The following SMAD4 variants were observed in gnomAD, a reference collection of about 807,000 sequenced individuals.
The protein encoded by SMAD4 is SMAD family member 4, also known as MAD homolog 4.
SMAD4 carries 7 observed loss-of-function variants against 63.2 expected under a neutral mutation model. The ratio of observed to expected loss-of-function variants is 0.11; its 90% CI spans 0.06 to 0.21. SMAD4 has a LOEUF of 0.21. Among genes scored for constraint, SMAD4 ranks in the 10% least tolerant of loss-of-function variants. The pLI is 1.00. For synonymous variants in SMAD4, 215 were observed against 235.4 expected (o/e 0.91, Z 0.79); for missense variants, 312 against 693.8 (o/e 0.45, Z 6.18).
Position 51,084,719 on chromosome 18 carries a change from A to G in SMAD4, c.*6252A>G, listed in dbSNP as rs1599210999. 2.2e-5 allele frequency: 5 copies of G among 231,850 alleles called. No homozygotes were observed. The East Asian group carries it at 3.0e-4, about 14-fold the overall frequency. 14.4% of individuals were successfully genotyped at this position (231,850 alleles called of 1,614,324 possible). On this transcript the variant is annotated 3_prime_UTR_variant, in exon 12 of 12. Coordinates refer to ENST00000342988, the MANE Select transcript of SMAD4 (RefSeq NM_005359.6). ...CATGTGATTTAAGGGAAAAGTGTGA[A>G]TGCTTATAGATGATGAAAACCTGGT... is the stretch of plus-strand genomic sequence containing the variant.
intron 4 of SMAD4, 64 bp from the exon 5 acceptor site, chr18:51,054,717 A>T: frequency 8.9e-7 from 1 of 1,125,296 alleles, no homozygotes; most frequent in South Asian, 1.3e-5. Flanking sequence ...ACTTGCTAAT[A>T]AGATTTTTTT....
At chr18:51,077,921 T>C (rs1344046631) in intron 11 of SMAD4, among the ~76,000 whole-genome samples, 1 of 152,212 alleles carries the variant, frequency 6.6e-6, no homozygotes, top group Non-Finnish European at 1.5e-5. Flanking sequence ...AAGCAACCTG[T>C]GGACACGCAC....
rs1211081289 is a variant in SMAD4, at chr18:51,082,748, C to G, written c.*4281C>G. 4 of 229,302 alleles carry G rather than the reference C, an allele frequency of 1.7e-5. No homozygotes were observed. The highest frequency in any genetic ancestry group is 3.5e-5 in the Non-Finnish European group (4 of 115,894). The allele number at this position is 229,302 out of a possible 1,614,324, so 14.2% of individuals were successfully genotyped here. A position where few individuals can be genotyped will look rare whatever the true frequency, so the allele number is the denominator to read the frequency against. ...GAATTTTTAGTTTTTTTTTTTTAAC[C>G]CACTTCCCCTCCTGGTCTCTTCCCT... On this transcript the variant is annotated 3_prime_UTR_variant, in exon 12 of 12. Transcript: ENST00000342988.
At position 51,079,564 on chromosome 18, in the gene SMAD4, A is replaced by G. The variant is rs1730373780; in HGVS notation, c.*1097A>G. 4.3e-6 allele frequency: 1 copy of G among 233,324 alleles called. No individual in the cohort carries two copies. Among genetic ancestry groups the G allele is most frequent in the Admixed American group, 5.6e-5 (1 of 17,780 alleles). The allele number at this position is 233,324 out of a possible 1,614,324, so 14.5% of individuals were successfully genotyped here. A position where few individuals can be genotyped will look rare whatever the true frequency, so the allele number is the denominator to read the frequency against. On this transcript the variant is annotated 3_prime_UTR_variant, in exon 12 of 12. Transcript: ENST00000342988. The stretch of plus-strand genomic sequence containing the variant: ...AATCATGTATGTTATGATATTGTTT[A>G]AAATTCAGTTTTTGTATCTTGGGGC...
At chr18:51,069,161 G>T (rs1042579692) in intron 10 of SMAD4, among the ~76,000 whole-genome samples, 1 of 152,158 alleles carries the variant, frequency 6.6e-6, no homozygotes, top group Non-Finnish European at 1.5e-5. Context: ...CTGTCACCCA[G>T]GCTAGAGTAC....
intron 1 of SMAD4, among the ~76,000 whole-genome samples, chr18:51,037,661 G>A (rs1046194917): frequency 6.6e-6 from 1 of 152,230 alleles, no homozygotes; most frequent in Non-Finnish European, 1.5e-5. Flanking sequence ...GCACATTGAA[G>A]TACAGTGTTC....
chr18:51,080,564 T>A lies in SMAD4; in HGVS notation c.*2097T>A. On this transcript the variant is annotated 3_prime_UTR_variant, in exon 12 of 12. Transcript: ENST00000342988. ...TTCATTGCTTCTTTTTTTTGAGATATGGAGTCTTGCTGTGTTGCCCAGGCA... is the reference window on the plus strand; with the variant it reads ...TTCATTGCTTCTTTTTTTTGAGATAAGGAGTCTTGCTGTGTTGCCCAGGCA... 1 of 192,804 alleles carries A rather than the reference T, an allele frequency of 5.2e-6. No homozygotes were observed. Among genetic ancestry groups the A allele is most frequent in the Non-Finnish European group, 1.1e-5 (1 of 92,296 alleles). 11.9% of individuals were successfully genotyped at this position (192,804 alleles called of 1,614,324 possible).
intron 10 of SMAD4, among the ~76,000 whole-genome samples, chr18:51,073,430 C>G (rs1326965508): frequency 7.8e-6 from 1 of 128,630 alleles, no homozygotes; most frequent in African/African-American, 2.8e-5. Flanking sequence ...CACACACACA[C>G]ACACCATACT....
chr18:51,031,385 G>A (rs1909046405), intron 1 of SMAD4, among the ~76,000 whole-genome samples: 1 of 152,144 alleles, frequency 6.6e-6, no homozygotes, highest in Non-Finnish European at 1.5e-5. Context: ...TGGTGCAGAG[G>A]CTTTAAAAAG....
At chr18:51,036,863 T>C (rs1364143265) in intron 1 of SMAD4, among the ~76,000 whole-genome samples, 3 of 152,108 alleles carry the variant, frequency 2.0e-5, no homozygotes, top group Non-Finnish European at 4.4e-5. Flanking sequence ...CAGTTAAAAG[T>C]TTTATGAAAT....
rs1909320229 is a variant in SMAD4 at position 51,039,810 on chromosome 18, T to G, written c.-127-7110T>G. 2.0e-5 allele frequency among the ~76,000 whole-genome samples: 3 copies of G among 152,164 alleles called. No homozygotes were observed. The South Asian group carries it at 6.2e-4, about 32-fold the overall frequency. The stretch of plus-strand genomic sequence containing the variant: ...AAGATCATTTAAACTGAAGGTGGCA[T>G]ACCAAAATGACATTTAAGACACATA... On this transcript the variant is annotated intron_variant, in intron 1 of 11. Transcript: ENST00000342988.
At chr18:51,061,035 A>T (rs1309990117) in intron 8 of SMAD4, among the ~76,000 whole-genome samples, 2 of 151,430 alleles carry the variant, frequency 1.3e-5, no homozygotes, top group African/African-American at 4.9e-5. Flanking sequence ...CACCACACCA[A>T]GCTTGAAAAA....
intron 1 of SMAD4, among the ~76,000 whole-genome samples, chr18:51,039,828 G>A (rs949068349): frequency 1.3e-5 from 2 of 152,072 alleles, no homozygotes; most frequent in East Asian, 3.9e-4. Context: ...TGACATTTAA[G>A]ACACATAGGT....
chr18:51,065,367 T>TGAAAAA (rs1910118208), intron 8 of SMAD4, 56 bp from the exon 9 acceptor site: 5 of 1,460,746 alleles, frequency 3.4e-6, no homozygotes, highest in Non-Finnish European at 4.8e-6. Flanking sequence ...GGAGTGCAAG[T>TGAAAAA]GAAAGCCTTA....
intron 11 of SMAD4, 124 bp downstream of exon 11, chr18:51,076,900 C>T (rs1236422886): frequency 1.4e-6 from 1 of 705,474 alleles, no homozygotes; most frequent in African/African-American, 1.8e-5. Flanking sequence ...GGGATGATGA[C>T]ATTTTTGAAT....
intron 10 of SMAD4, among the ~76,000 whole-genome samples, chr18:51,067,927 C>G (rs1251880501): frequency 6.6e-6 from 1 of 152,080 alleles, no homozygotes; most frequent in Non-Finnish European, 1.5e-5. Flanking sequence ...ATATATTCAA[C>G]CTGTTTGAAT....
At chr18:51,063,603 C>T (rs747420301) in intron 8 of SMAD4, among the ~76,000 whole-genome samples, 92 of 151,894 alleles carry the variant, frequency 6.1e-4, no homozygotes, top group Non-Finnish European at 1.1e-3. Flanking sequence ...CGTAGAGACG[C>T]GGTTTCACCA....
At chr18:51,055,729 A>G (rs1277836446) in intron 5 of SMAD4, among the ~76,000 whole-genome samples, 2 of 151,276 alleles carry the variant, frequency 1.3e-5, no homozygotes, top group East Asian at 1.9e-4. Flanking sequence ...TCAATTAATC[A>G]TAGAGCATTG....
In SMAD4 at chr18:51,054,907, C is replaced by T; in HGVS notation, c.581C>T (p.Thr194Ile). The T allele has an allele frequency of 6.2e-7, 1 of 1,614,082 alleles. No individual in the cohort carries two copies. The highest frequency in any genetic ancestry group is 8.5e-7 in the Non-Finnish European group (1 of 1,179,928). ...CCAAGTAATCGTGCATCGACAGAGACATACAGCACCCCAGCTCTGTTAGCC... is the reference window on the plus strand; with the variant it reads ...CCAAGTAATCGTGCATCGACAGAGATATACAGCACCCCAGCTCTGTTAGCC... ...HPPSNRASTE[T>I]YSTPALLAPS... is the part of the protein sequence containing the mutation. Residue 194 changes from threonine (T) to isoleucine (I), a missense_variant, in exon 5 of 12, where the codon ACA (threonine) becomes ATA (isoleucine). By Grantham distance (89) the Thr-to-Ile change is moderately conservative (BLOSUM62 -1). Transcript: ENST00000342988.
Sources: allele counts gnomAD v4.1 joint callset (sites outside exome capture counted in the v4.1 genomes callset), GRCh38; gene constraint gnomAD v4.1.1; transcripts MANE v1.5; gene names NCBI Gene and HGNC (gene_info 2026-07-23, HGNC 2026-07-21).